TBL1X: variants seen among roughly 807,000 people sequenced by gnomAD.
The protein encoded by TBL1X is transducin beta like 1 X-linked.
In TBL1X, 10 loss-of-function variants were observed where a neutral mutation model predicts 50.7. That is an observed-to-expected ratio of 0.20 (90% CI 0.12 to 0.33). The LOEUF (loss-of-function observed/expected upper bound fraction) is 0.33. Ranked by LOEUF, TBL1X falls within the 10% of genes least tolerant of loss-of-function variation. The pLI is 1.00. For synonymous variants in TBL1X, 190 were observed against 214.7 expected, an observed-to-expected ratio of 0.88 and a Z score of 1.01; for missense variants, 340 against 504.4, an observed-to-expected ratio of 0.67 and a Z score of 3.12.
rs1260606896 is a variant in TBL1X, at chrX:9,650,320, C to T, written c.-42-3225C>T. Among the ~76,000 whole-genome samples, 6 of 111,969 alleles carry T rather than the reference C, an allele frequency of 5.4e-5. No homozygotes were observed. In the South Asian group the frequency reaches 1.8e-3, roughly 34 times the overall value. ...GGAGTCCAAGGATGCTGCAGAACAT[C>T]GTGCTGTGCCTGGAACAGGCTTGCT... is the stretch of plus-strand genomic sequence containing the variant. On this transcript the variant is annotated intron_variant, in intron 3 of 17. Coordinates refer to ENST00000645353, the MANE Select transcript of TBL1X (RefSeq NM_005647.4).
chrX:9,544,271 G>T (rs2082230112), intron 2 of TBL1X, among the ~76,000 whole-genome samples: 1 of 111,954 alleles, frequency 8.9e-6, no homozygotes, highest in African/African-American at 3.2e-5. Flanking sequence ...AGAGCTTGGG[G>T]CCCCATGGTG....
chrX:9,576,148 C>T (rs781189808), intron 2 of TBL1X, among the ~76,000 whole-genome samples: 26 of 111,977 alleles, frequency 2.3e-4, no homozygotes, highest in Non-Finnish European at 4.3e-4. Context: ...GTGTAGCATG[C>T]CTGAGCGCTG....
chrX:9,545,715 C>T lies in TBL1X; in HGVS notation c.-131+43866C>T, dbSNP rs891151321. Reference sequence around the variant, plus strand: ...ACTCCATGGATGTGTAGGACATTCTCCTACAAAACCATAGTACTTACATTC... The same window carrying T: ...ACTCCATGGATGTGTAGGACATTCTTCTACAAAACCATAGTACTTACATTC... On this transcript the variant is annotated intron_variant, in intron 2 of 17. Transcript: ENST00000645353. Among the ~76,000 whole-genome samples the T allele has an allele frequency of 1.7e-4, 19 of 110,879 alleles. No individual in the cohort carries two copies. In the Admixed American group the frequency reaches 1.7e-3, roughly 10 times the overall value.
At chrX:9,670,276 C>T (rs1047352504) in intron 5 of TBL1X, among the ~76,000 whole-genome samples, 5 of 110,918 alleles carry the variant, frequency 4.5e-5, no homozygotes, top group African/African-American at 1.6e-4. Flanking sequence ...ACAACCGGTC[C>T]TGTGGCCCCC....
chrX:9,523,986 T>TTA (rs1432186660), intron 2 of TBL1X, among the ~76,000 whole-genome samples: 1 of 70,378 alleles, frequency 1.4e-5, no homozygotes, highest in African/African-American at 5.3e-5. Context: ...TTTTTTTTTT[T>TTA]AGACAGAGTC....
In TBL1X at chrX:9,639,337, A is replaced by C. The variant is rs1355698581; in HGVS notation, c.-130-936A>C. Among the ~76,000 whole-genome samples the C allele has an allele frequency of 1.8e-5, 2 of 111,647 alleles. 1 individual carries two copies. Among genetic ancestry groups the C allele is most frequent in the East Asian group, 5.6e-4 (2 of 3,578 alleles). On this transcript the variant is annotated intron_variant, in intron 2 of 17. Transcript: ENST00000645353. ...ATATTAAACCTGGTACCTTTTTATT[A>C]TCACTGAAGACTATTAAATAAGAAT...
chrX:9,550,358 G>T (rs1340613214), intron 2 of TBL1X, among the ~76,000 whole-genome samples: 1 of 112,063 alleles, frequency 8.9e-6, no homozygotes, highest in Non-Finnish European at 1.9e-5. Context: ...AAAATAAGCA[G>T]TCATTCAAAA....
intron 2 of TBL1X, among the ~76,000 whole-genome samples, chrX:9,613,333 C>T (rs1395521814): frequency 1.8e-5 from 2 of 111,390 alleles, no homozygotes; most frequent in Non-Finnish European, 3.8e-5. Flanking sequence ...TCTCCCGTCC[C>T]ACCAATGGTG....
chrX:9,567,839 C>T (rs1409080652), intron 2 of TBL1X, among the ~76,000 whole-genome samples: 2 of 112,177 alleles, frequency 1.8e-5, no homozygotes, highest in African/African-American at 6.5e-5. Context: ...AGTTCTCCAG[C>T]CAACTCAAGT....
chrX:9,626,624 C>T (rs904634756), intron 2 of TBL1X, among the ~76,000 whole-genome samples: 1 of 112,502 alleles, frequency 8.9e-6, no homozygotes, highest in Non-Finnish European at 1.9e-5. Flanking sequence ...GAAGTGTTTG[C>T]TTTCCCGATG....
chrX:9,464,710 T>G (rs5979095), upstream of TBL1X, among the ~76,000 whole-genome samples: 38,332 of 110,231 alleles, frequency 0.35, 5,141 homozygotes, highest in African/African-American at 0.39. Flanking sequence ...TGGGGTCCTC[T>G]CAGTCCCACG....
intron 2 of TBL1X, among the ~76,000 whole-genome samples, chrX:9,546,851 C>T (rs1246268977): frequency 1.3e-5 from 1 of 79,826 alleles, no homozygotes; most frequent in African/African-American, 4.9e-5. Context: ...CGGAGTCTCG[C>T]TCTGTCGCCC....
intron 13 of TBL1X, among the ~76,000 whole-genome samples, chrX:9,705,738 A>G (rs973157744): frequency 5.4e-5 from 6 of 110,123 alleles, no homozygotes; most frequent in East Asian, 2.8e-4. Context: ...AAAAAAAAAA[A>G]AAAAAGAAAA....
At chrX:9,517,365 C>G (rs1036963942) in intron 2 of TBL1X, among the ~76,000 whole-genome samples, 2 of 111,201 alleles carry the variant, frequency 1.8e-5, no homozygotes, top group African/African-American at 6.5e-5. Flanking sequence ...AAACCCCGAC[C>G]TCCGAGGCCC....
chrX:9,712,024 A>T (rs1340697830), intron 16 of TBL1X, among the ~76,000 whole-genome samples: 1 of 107,222 alleles, frequency 9.3e-6, no homozygotes. Context: ...GCTCTTGGCC[A>T]TTTGATTCCA....
intron 16 of TBL1X, among the ~76,000 whole-genome samples, chrX:9,712,441 A>G (rs1200171426): frequency 8.9e-6 from 1 of 112,321 alleles, no homozygotes; most frequent in African/African-American, 3.2e-5. Flanking sequence ...AGATTCAAGC[A>G]AGTCTCCTGC....
At chrX:9,693,769 G>T (rs1264357202) in intron 11 of TBL1X, among the ~76,000 whole-genome samples, 1 of 111,599 alleles carries the variant, frequency 9.0e-6, no homozygotes, top group African/African-American at 3.3e-5. Flanking sequence ...CCACTGAGGG[G>T]TGAGTGGCAC....
At chrX:9,518,098 C>CAAAAAA (rs58522206) in intron 2 of TBL1X, among the ~76,000 whole-genome samples, 1 of 68,253 alleles carries the variant, frequency 1.5e-5, no homozygotes, top group Non-Finnish European at 2.7e-5. Flanking sequence ...GATCCTCTCT[C>CAAAAAA]AAAAAAAAAA....
intron 3 of TBL1X, among the ~76,000 whole-genome samples, chrX:9,647,350 T>C (rs2082810363): frequency 8.9e-6 from 1 of 112,580 alleles, no homozygotes; most frequent in African/African-American, 3.2e-5. Context: ...TTGCCTTCTT[T>C]AAGCAGCACA....
Sources: allele counts gnomAD v4.1 joint callset (sites outside exome capture counted in the v4.1 genomes callset), GRCh38; gene constraint gnomAD v4.1.1; transcripts MANE v1.5; gene names NCBI Gene and HGNC (gene_info 2026-07-23, HGNC 2026-07-21).